Variants in ETFBKMT observed in about 807,000 individuals in gnomAD.
ETFBKMT encodes the protein electron transfer flavoprotein beta subunit lysine methyltransferase.
A neutral mutation model predicts 18.3 loss-of-function variants in ETFBKMT; 13 were observed. That is an observed-to-expected ratio of 0.71 (90% CI 0.46 to 1.13). The LOEUF is 1.13. Ranked by LOEUF, ETFBKMT falls within the 50% of genes most tolerant of loss-of-function variation. ETFBKMT has a pLI of 0.00. For synonymous variants in ETFBKMT, 84 were observed against 107.9 expected, an observed-to-expected ratio of 0.78 and a Z score of 1.37; for missense variants, 293 against 306.2, an observed-to-expected ratio of 0.96 and a Z score of 0.32.
In ETFBKMT at chr12:31,673,073, T is replaced by A. The variant is rs573443143; in HGVS notation, c.*5083T>A. ...TATGGTTTCCATCCTAGTTTTAGGA[T>A]GTCTTTTAAAAATCTGAATTAAAGC... On this transcript the variant is annotated 3_prime_UTR_variant, in exon 4 of 4. Transcript: ENST00000357721. The A allele has an allele frequency of 5.9e-5, 9 of 152,364 alleles. No individual in the cohort carries two copies. Among genetic ancestry groups the A allele is most frequent in the African/African-American group, 2.2e-4 (9 of 41,588 alleles). The allele number at this position is 152,364 out of a possible 1,614,324, so 9.4% of individuals were successfully genotyped here. A position where few individuals can be genotyped will look rare whatever the true frequency, so the allele number is the denominator to read the frequency against.
rs1951293147 is a variant in ETFBKMT, at chr12:31,672,349, T to C, written c.*4359T>C. Reference sequence around the variant, plus strand: ...CTTGCTTTAGTTTGTTTGGGCCTACTAATTGCTCCAACACTTCTCGGGAAT... The same window carrying C: ...CTTGCTTTAGTTTGTTTGGGCCTACCAATTGCTCCAACACTTCTCGGGAAT... On this transcript the variant is annotated 3_prime_UTR_variant, in exon 4 of 4. Transcript: ENST00000357721. 2 of 1,578,418 alleles carry C rather than the reference T, an allele frequency of 1.3e-6. No individual in the cohort carries two copies. Among genetic ancestry groups the C allele is most frequent in the Non-Finnish European group, 1.7e-6 (2 of 1,160,018 alleles).
At chr12:31,648,625 A>G (rs560273393) in intron 1 of ETFBKMT, among the ~76,000 whole-genome samples, 2 of 136,916 alleles carry the variant, frequency 1.5e-5, no homozygotes, top group South Asian at 2.4e-4. Flanking sequence ...TCAGTGGCGC[A>G]ATCTCGGCTC....
intron 2 of ETFBKMT, 105 bp downstream of exon 2, chr12:31,662,372 C>G (rs774325240): frequency 1.2e-5 from 12 of 1,019,902 alleles, no homozygotes; most frequent in African/African-American, 1.6e-5. Context: ...GTGGCTCATG[C>G]CTGTAGTCTC....
At chr12:31,661,752 C>T (rs1477985487) in intron 1 of ETFBKMT, 89 bp from the exon 2 acceptor site, 2 of 562,386 alleles carry the variant, frequency 3.6e-6, no homozygotes, top group African/African-American at 3.8e-5. Flanking sequence ...AGCCACCGCG[C>T]CCGGCCAATA....
chr12:31,657,021 A>G (rs1157043175), upstream of ETFBKMT, among the ~76,000 whole-genome samples: 3 of 152,234 alleles, frequency 2.0e-5, no homozygotes, highest in African/African-American at 2.4e-5. Flanking sequence ...CATTATTACT[A>G]TCATCACTAT....
chr12:31,647,226 C>T lies in ETFBKMT; in HGVS notation c.-143C>T, dbSNP rs530738233. 4 of 152,618 alleles carry T rather than the reference C, an allele frequency of 2.6e-5. No homozygotes were observed. The East Asian group carries it at 5.8e-4, about 22-fold the overall frequency. 9.5% of individuals were successfully genotyped at this position (152,618 alleles called of 1,614,324 possible). On this transcript the variant is annotated 5_prime_UTR_variant, in exon 1 of 4. Transcript: ENST00000412352. ...CCTCCACCAGCCTGCCTCACCCTAT[C>T]CTCATTTCATCTCCCGCAACCTGGC...
chr12:31,658,763 G>A (rs1004933237), upstream of ETFBKMT, among the ~76,000 whole-genome samples: 1 of 152,140 alleles, frequency 6.6e-6, no homozygotes, highest in Non-Finnish European at 1.5e-5. Context: ...GGGGCCAGTG[G>A]GATGTGGGTC....
chr12:31,649,008 C>T (rs562324356), intron 1 of ETFBKMT, among the ~76,000 whole-genome samples: 3 of 138,902 alleles, frequency 2.2e-5, no homozygotes, highest in South Asian at 2.5e-4. Flanking sequence ...GACGGAGTCT[C>T]GCTTTGTCAC....
chr12:31,672,638 T>C lies in ETFBKMT; in HGVS notation c.*4648T>C. 1 of 331,370 alleles carries C rather than the reference T, an allele frequency of 3.0e-6. No individual in the cohort carries two copies. The highest frequency in any genetic ancestry group is 5.6e-6 in the Non-Finnish European group (1 of 178,408). The allele number at this position is 331,370 out of a possible 1,614,324, so 20.5% of individuals were successfully genotyped here. A position where few individuals can be genotyped will look rare whatever the true frequency, so the allele number is the denominator to read the frequency against. On this transcript the variant is annotated 3_prime_UTR_variant, in exon 4 of 4. Coordinates refer to ENST00000357721, the MANE Select transcript of ETFBKMT (RefSeq NM_001135863.2). ...ATTTGTTGTTTTCTCTGTAATTTCATCATAATTCCACCAACCAGAGTAATG... is the reference window on the plus strand; with the variant it reads ...ATTTGTTGTTTTCTCTGTAATTTCACCATAATTCCACCAACCAGAGTAATG...
At chr12:31,662,342 C>A (rs1951135804) in intron 2 of ETFBKMT, 75 bp downstream of exon 2, 9 of 1,417,098 alleles carry the variant, frequency 6.4e-6, no homozygotes, top group Non-Finnish European at 4.8e-6. Flanking sequence ...CTACAAAAAA[C>A]CAGAGCAATG....
intron 3 of ETFBKMT, among the ~76,000 whole-genome samples, chr12:31,667,090 G>A: frequency 6.6e-6 from 1 of 151,736 alleles, no homozygotes; most frequent in East Asian, 1.9e-4. Context: ...CACCTCGTGG[G>A]TTCAAGTGAT....
chr12:31,662,509 T>C (rs367828263), intron 2 of ETFBKMT, among the ~76,000 whole-genome samples: 1,607 of 142,726 alleles, frequency 0.011, 28 homozygotes, highest in African/African-American at 0.043. Context: ...TTCTTTCTTT[T>C]TTTTTTTTTT....
chr12:31,665,176 A>G (rs1037424065), intron 2 of ETFBKMT, among the ~76,000 whole-genome samples: 1 of 152,056 alleles, frequency 6.6e-6, no homozygotes, highest in Non-Finnish European at 1.5e-5. Context: ...ACCTCAGGTG[A>G]TCCACCTGCT....
chr12:31,664,356 A>G (rs1272787634), intron 2 of ETFBKMT, among the ~76,000 whole-genome samples: 1 of 152,154 alleles, frequency 6.6e-6, no homozygotes, highest in Non-Finnish European at 1.5e-5. Flanking sequence ...AAGAGGAGAC[A>G]GTGACTCTTG....
At position 31,672,472 on chromosome 12, in the gene ETFBKMT, GTTAT is replaced by G; in HGVS notation, c.*4486_*4489del. The stretch of plus-strand genomic sequence containing the variant: ...TGGAGGTGATGTTAATTATTATACA[GTTAT>G]TTAAAGGATTAAAGGAGGTGATCTA... On this transcript the variant is annotated 3_prime_UTR_variant, in exon 4 of 4. Coordinates refer to ENST00000357721, the MANE Select transcript of ETFBKMT (RefSeq NM_001135863.2). The G allele has an allele frequency of 1.1e-6, 1 of 874,180 alleles. No individual in the cohort carries two copies. The highest frequency in any genetic ancestry group is 1.5e-5 in the South Asian group (1 of 68,744). 54.2% of individuals were successfully genotyped at this position (874,180 alleles called of 1,614,324 possible). A position where few individuals can be genotyped will look rare whatever the true frequency, so the allele number is the denominator to read the frequency against.
intron 1 of ETFBKMT, among the ~76,000 whole-genome samples, chr12:31,651,661 A>C (rs1951019523): frequency 6.6e-6 from 1 of 152,066 alleles, no homozygotes; most frequent in African/African-American, 2.4e-5. Context: ...AAGAGAAAAT[A>C]ACCCTTATCT....
At position 31,668,160 on chromosome 12, in the gene ETFBKMT, G is replaced by T; in HGVS notation, c.*170G>T. ...TTTGTTTACTTTTGTCATGTAACTG[G>T]TTCTGTATTTCTATGCATGCCAATT... On this transcript the variant is annotated 3_prime_UTR_variant, in exon 4 of 4. Coordinates refer to ENST00000357721, the MANE Select transcript of ETFBKMT (RefSeq NM_001135863.2). 2 of 593,826 alleles carry T rather than the reference G, an allele frequency of 3.4e-6. No individual in the cohort carries two copies. Among genetic ancestry groups the T allele is most frequent in the Non-Finnish European group, 2.9e-6 (1 of 350,624 alleles). The allele number at this position is 593,826 out of a possible 1,614,324, so 36.8% of individuals were successfully genotyped here.
At chr12:31,666,715 A>G (rs188516673) in intron 3 of ETFBKMT, among the ~76,000 whole-genome samples, 1 of 151,394 alleles carries the variant, frequency 6.6e-6, no homozygotes. Context: ...CAGTAGCACA[A>G]TCTCAGCTCA....
At chr12:31,655,729 G>T (rs1274386248), upstream of ETFBKMT, among the ~76,000 whole-genome samples, 1 of 152,150 alleles carries the variant, frequency 6.6e-6, no homozygotes, top group African/African-American at 2.4e-5. Context: ...TTTCCTGCAT[G>T]TCTTTTCTCT....
Sources: gnomAD v4.1 joint callset for allele counts (sites outside exome capture counted in the v4.1 genomes callset) on GRCh38, gnomAD v4.1.1 for gene constraint, MANE v1.5 for transcripts, NCBI Gene and HGNC (gene_info 2026-07-23, HGNC 2026-07-21) for gene names.